Variants in AGTPBP1 observed in about 807,000 individuals in gnomAD.
AGTPBP1 encodes the protein ATP/GTP binding carboxypeptidase 1, also known as cytosolic carboxypeptidase 1.
In AGTPBP1, 70 loss-of-function variants were observed where a neutral mutation model predicts 143.9. The observed-to-expected ratio is 0.49, with a 90% CI of 0.40 to 0.59. AGTPBP1 has a LOEUF of 0.59. AGTPBP1 is among the 20% of genes least tolerant of loss of function. The pLI, the probability that AGTPBP1 is intolerant of heterozygous loss-of-function variation, is 0.00. For synonymous variants in AGTPBP1, 463 were observed against 500.2 expected (o/e 0.93, Z 0.99); for missense variants, 1,229 against 1,464.5 (o/e 0.84, Z 2.62).
intron 17 of AGTPBP1, among the ~76,000 whole-genome samples, chr9:85,603,395 C>T (rs1408680385): frequency 6.6e-6 from 1 of 152,172 alleles, no homozygotes; most frequent in Non-Finnish European, 1.5e-5. Flanking sequence ...GGTGACATTT[C>T]TAAACACACC....
At chr9:85,730,816 G>C (rs113075294) in intron 1 of AGTPBP1, among the ~76,000 whole-genome samples, 15 of 151,936 alleles carry the variant, frequency 9.9e-5, no homozygotes, top group African/African-American at 3.1e-4. Flanking sequence ...CTTCTCACTG[G>C]TAAATCTCTT....
chr9:85,719,328 C>A (rs985033264), intron 1 of AGTPBP1, among the ~76,000 whole-genome samples: 1 of 152,014 alleles, frequency 6.6e-6, no homozygotes, highest in Non-Finnish European at 1.5e-5. Context: ...TGTTTTTGTC[C>A]TCTTTTATGT....
the AGTPBP1 span, among the ~76,000 whole-genome samples, chr9:85,747,116 CA>C: frequency 1.3e-4 from 20 of 152,158 alleles, no homozygotes; most frequent in Non-Finnish European, 2.6e-4. Flanking sequence ...CTTGGCCTCC[CA>C]AAGTATTGGG....
intron 3 of AGTPBP1, among the ~76,000 whole-genome samples, chr9:85,689,747 T>A (rs1835720102): frequency 6.6e-6 from 1 of 151,126 alleles, no homozygotes; most frequent in African/African-American, 2.4e-5. Context: ...ATATAAAAAA[T>A]TAGCCTGGTG....
chr9:85,739,824 G>A (rs1824114318), intron 1 of AGTPBP1, among the ~76,000 whole-genome samples: 1 of 151,798 alleles, frequency 6.6e-6, no homozygotes, highest in South Asian at 2.1e-4. Context: ...TACCAGCCTG[G>A]CCAACATGGT....
intron 1 of AGTPBP1, among the ~76,000 whole-genome samples, chr9:85,736,541 T>C (rs1242662473): frequency 6.6e-6 from 1 of 152,202 alleles, no homozygotes; most frequent in Admixed American, 6.5e-5. Context: ...AATACTTTTT[T>C]TTAATAAGAC....
chr9:85,579,219 T>C (rs1587669882), intron 23 of AGTPBP1, 123 bp from the exon 24 acceptor site: 3 of 932,744 alleles, frequency 3.2e-6, no homozygotes, highest in Admixed American at 3.5e-5. Flanking sequence ...TGTTCTATTA[T>C]ATATCCCTTG....
chr9:85,737,416 G>A (rs903301792), intron 1 of AGTPBP1, among the ~76,000 whole-genome samples: 1 of 152,156 alleles, frequency 6.6e-6, no homozygotes, highest in Non-Finnish European at 1.5e-5. Context: ...AACTGAGCTT[G>A]TCACTTTAAG....
At chr9:85,631,657 TA>T (rs1020339390) in intron 14 of AGTPBP1, among the ~76,000 whole-genome samples, 19 of 151,290 alleles carry the variant, frequency 1.3e-4, no homozygotes, top group South Asian at 6.3e-4. Flanking sequence ...ATGCTATAGG[TA>T]AAAAAAAATA....
chr9:85,621,613 A>G (rs1222857923), intron 14 of AGTPBP1, among the ~76,000 whole-genome samples: 2 of 152,194 alleles, frequency 1.3e-5, no homozygotes, highest in African/African-American at 4.8e-5. Flanking sequence ...TTGGGCAAAT[A>G]ATTCTGTATA....
intron 4 of AGTPBP1, among the ~76,000 whole-genome samples, chr9:85,680,131 GTCTA>G (rs576518541): frequency 3.7e-4 from 57 of 152,082 alleles, no homozygotes; most frequent in African/African-American, 5.8e-4. Context: ...TATAGTAGTA[GTCTA>G]TCTATTACTC....
At chr9:85,753,621 G>A in the AGTPBP1 span, among the ~76,000 whole-genome samples, 1 of 151,950 alleles carries the variant, frequency 6.6e-6, no homozygotes, top group African/African-American at 2.4e-5. Flanking sequence ...TCTTGGTGGC[G>A]GGTGCTTGTA....
intron 2 of AGTPBP1, among the ~76,000 whole-genome samples, chr9:85,707,465 T>G (rs1025433207): frequency 6.6e-6 from 1 of 151,686 alleles, no homozygotes; most frequent in Non-Finnish European, 1.5e-5. Context: ...AGGATATCAG[T>G]AGAACTGATA....
At chr9:85,778,415 G>A in the AGTPBP1 span, among the ~76,000 whole-genome samples, 15 of 152,274 alleles carry the variant, frequency 9.9e-5, 1 homozygote, top group South Asian at 1.7e-3. Context: ...ATTCACCTAT[G>A]GGGGTCTGCG....
At chr9:85,781,221 T>C in the AGTPBP1 span, 60 of 1,514,336 alleles carry the variant, frequency 4.0e-5, no homozygotes, top group Non-Finnish European at 5.3e-5. Flanking sequence ...GAGAAGGCAT[T>C]ATGGAAACTT....
the AGTPBP1 span, among the ~76,000 whole-genome samples, chr9:85,749,904 C>T: frequency 6.2e-5 from 9 of 146,176 alleles, no homozygotes; most frequent in African/African-American, 7.6e-5. Flanking sequence ...TTTTTTGAGA[C>T]GGAGTCTCTC....
At chr9:85,724,858 T>C (rs1838369448) in intron 1 of AGTPBP1, among the ~76,000 whole-genome samples, 1 of 152,230 alleles carries the variant, frequency 6.6e-6, no homozygotes, top group Non-Finnish European at 1.5e-5. Flanking sequence ...AATTTTTTAA[T>C]TAATGAATGC....
At chr9:85,612,225 T>C (rs1335317971) in intron 17 of AGTPBP1, among the ~76,000 whole-genome samples, 1 of 152,124 alleles carries the variant, frequency 6.6e-6, no homozygotes, top group Non-Finnish European at 1.5e-5. Flanking sequence ...TTGATGGGGA[T>C]TGGTCACCAA....
chr9:85,681,156 T>C (rs1326860298), intron 4 of AGTPBP1, 112 bp downstream of exon 4: 7 of 913,680 alleles, frequency 7.7e-6, no homozygotes, highest in Admixed American at 5.4e-5. Context: ...TGTGTGTATA[T>C]ATGTACGTGT....
Sources: allele counts gnomAD v4.1 joint callset (sites outside exome capture counted in the v4.1 genomes callset), GRCh38; gene constraint gnomAD v4.1.1; transcripts MANE v1.5; gene names NCBI Gene and HGNC (gene_info 2026-07-23, HGNC 2026-07-21).